Variants in LRRC37A2 observed in about 807,000 individuals in gnomAD.
The protein encoded by LRRC37A2 is leucine rich repeat containing 37 member A2.
LRRC37A2 carries 9 observed loss-of-function variants against 68.8 expected under a neutral mutation model. The ratio of observed to expected loss-of-function variants is 0.13; its 90% CI spans 0.08 to 0.23. LRRC37A2 has a LOEUF of 0.23. LRRC37A2 is among the 10% of genes least tolerant of loss of function. The probability of loss-of-function intolerance (pLI) is 1.00; values close to 1 mark genes in which losing one functional copy is unlikely to be tolerated. For synonymous variants in LRRC37A2, 63 were observed against 367.6 expected, an observed-to-expected ratio of 0.17 and a Z score of 9.48; for missense variants, 168 against 950.4, an observed-to-expected ratio of 0.18 and a Z score of 10.82.
the LRRC37A2 span, among the ~76,000 whole-genome samples, chr17:46,568,419 A>T: frequency 7.9e-6 from 1 of 126,004 alleles, no homozygotes; most frequent in Non-Finnish European, 1.6e-5. Flanking sequence ...TTCACAGGAA[A>T]TCCACAGATA....
the LRRC37A2 span, among the ~76,000 whole-genome samples, chr17:46,892,674 C>T: frequency 1.3e-5 from 2 of 152,196 alleles, no homozygotes; most frequent in Non-Finnish European, 2.9e-5. Flanking sequence ...AATTCTTCCC[C>T]TTCTTTCTTT....
chr17:46,764,534 G>A, the LRRC37A2 span: 1 of 152,278 alleles, frequency 6.6e-6, no homozygotes, highest in Non-Finnish European at 1.5e-5. Flanking sequence ...GCTGTCTGAC[G>A]CTGAGGGCTG....
At chr17:46,845,129 G>T in the LRRC37A2 span, among the ~76,000 whole-genome samples, 1 of 152,340 alleles carries the variant, frequency 6.6e-6, no homozygotes, top group South Asian at 2.1e-4. Context: ...GATTACAGGC[G>T]TAAGCCACAG....
At chr17:46,864,164 T>C in the LRRC37A2 span, among the ~76,000 whole-genome samples, 2 of 152,182 alleles carry the variant, frequency 1.3e-5, no homozygotes, top group East Asian at 3.9e-4. Context: ...TTCAAGAACC[T>C]GTCAAGGTAG....
At chr17:46,739,097 C>T in the LRRC37A2 span, among the ~76,000 whole-genome samples, 7 of 151,812 alleles carry the variant, frequency 4.6e-5, no homozygotes, top group South Asian at 2.1e-4. Context: ...AGTCCAGGCA[C>T]GGTGGCTCAC....
the LRRC37A2 span, among the ~76,000 whole-genome samples, chr17:46,796,012 C>T: frequency 1.3e-5 from 2 of 152,090 alleles, no homozygotes; most frequent in African/African-American, 2.4e-5. Context: ...ATCAGGTTGT[C>T]GGCAGGGTAA....
chr17:46,939,847 C>CAA, the LRRC37A2 span: 1 of 989,854 alleles, frequency 1.0e-6, no homozygotes, highest in Non-Finnish European at 1.2e-6. Context: ...GTATAAAGGC[C>CAA]AATCTGTCCT....
chr17:46,966,587 G>C, the LRRC37A2 span: 4 of 691,936 alleles, frequency 5.8e-6, no homozygotes, highest in Middle Eastern at 2.3e-4. Flanking sequence ...GAGCTCAAGA[G>C]ATCCTCCTGC....
the LRRC37A2 span, among the ~76,000 whole-genome samples, chr17:47,035,416 C>G: frequency 6.6e-6 from 1 of 152,096 alleles, no homozygotes; most frequent in Non-Finnish European, 1.5e-5. Flanking sequence ...ACGAATCATA[C>G]AGTATGTGGC....
the LRRC37A2 span, among the ~76,000 whole-genome samples, chr17:46,898,768 G>T: frequency 6.6e-6 from 1 of 152,164 alleles, no homozygotes; most frequent in East Asian, 1.9e-4. Context: ...CATAATAACA[G>T]CACCTAGCCT....
At chr17:46,764,792 G>A in the LRRC37A2 span, among the ~76,000 whole-genome samples, 1 of 152,220 alleles carries the variant, frequency 6.6e-6, no homozygotes, top group African/African-American at 2.4e-5. Context: ...TGGGCCTGCT[G>A]TTGAGGGAGG....
the LRRC37A2 span, among the ~76,000 whole-genome samples, chr17:46,881,028 T>A: frequency 1.3e-5 from 2 of 152,226 alleles, no homozygotes; most frequent in African/African-American, 4.8e-5. Context: ...ACACGAATCC[T>A]GTGTCCCTTT....
chr17:46,981,946 C>T, the LRRC37A2 span, among the ~76,000 whole-genome samples: 1 of 152,154 alleles, frequency 6.6e-6, no homozygotes, highest in Non-Finnish European at 1.5e-5. Flanking sequence ...AGATGATCTA[C>T]CACCTCAGTC....
At chr17:46,551,241 T>A (rs1164710739) in intron 11 of LRRC37A2, among the ~76,000 whole-genome samples, 1 of 149,266 alleles carries the variant, frequency 6.7e-6, no homozygotes, top group Non-Finnish European at 1.5e-5. Flanking sequence ...GGACAAGTCC[T>A]GTTTACAGTG....
the LRRC37A2 span, among the ~76,000 whole-genome samples, chr17:47,026,269 G>C: frequency 1.8e-4 from 28 of 152,320 alleles, no homozygotes; most frequent in African/African-American, 6.5e-4. Flanking sequence ...AAGTATTCAA[G>C]GAATGCCATG....
chr17:46,883,484 C>A, the LRRC37A2 span, among the ~76,000 whole-genome samples: 1 of 151,974 alleles, frequency 6.6e-6, no homozygotes, highest in African/African-American at 2.4e-5. Context: ...GGGGTTTCAC[C>A]ATGTTGGCCA....
At chr17:46,960,512 A>G in the LRRC37A2 span, among the ~76,000 whole-genome samples, 1 of 152,230 alleles carries the variant, frequency 6.6e-6, no homozygotes, top group African/African-American at 2.4e-5. Flanking sequence ...GTATTTACCC[A>G]AGTGAAAGGA....
chr17:46,873,115 CACACACACA>C, the LRRC37A2 span, among the ~76,000 whole-genome samples: 2 of 151,742 alleles, frequency 1.3e-5, no homozygotes, highest in Non-Finnish European at 2.9e-5. Context: ...CACACACACA[CACACACACA>C]CACACACACG....
At chr17:46,964,021 C>T in the LRRC37A2 span, 1 of 152,190 alleles carries the variant, frequency 6.6e-6, no homozygotes, top group African/African-American at 2.4e-5. Context: ...CTTTGTTGCC[C>T]AGGCTGATCT....
Sources: allele counts gnomAD v4.1 joint callset (sites outside exome capture counted in the v4.1 genomes callset), GRCh38; gene constraint gnomAD v4.1.1; transcripts MANE v1.5; gene names NCBI Gene and HGNC (gene_info 2026-07-23, HGNC 2026-07-21).